The following MLXIP variants were observed in gnomAD, a reference collection of about 807,000 sequenced individuals.
MLXIP encodes MLX-interacting protein.
In MLXIP, 30 loss-of-function variants were observed where a neutral mutation model predicts 87.2. The ratio of observed to expected loss-of-function variants is 0.34; its 90% CI spans 0.26 to 0.47. The LOEUF is 0.47. MLXIP is among the 20% of genes least tolerant of loss of function. MLXIP has a pLI of 1.00. For synonymous variants in MLXIP, 530 were observed against 514.0 expected, an observed-to-expected ratio of 1.03 and a Z score of -0.42; for missense variants, 1,002 against 1,240.1, an observed-to-expected ratio of 0.81 and a Z score of 2.88.
chr12:122,127,809 G>T, intron 2 of MLXIP, 74 bp from the exon 3 acceptor site: 1 of 1,172,116 alleles, frequency 8.5e-7, no homozygotes, highest in South Asian at 1.2e-5. Context: ...CCTAGGGGAG[G>T]GGTGCAGCAG....
Position 122,087,526 on chromosome 12 carries a change from G to A in MLXIP, c.413+8260G>A, listed in dbSNP as rs2135898061. On this transcript the variant is annotated intron_variant, in intron 1 of 16. Coordinates refer to ENST00000319080, the MANE Select transcript of MLXIP (RefSeq NM_014938.6). ...ATGGTCGTTCCAGGTGCGGGAAGAG[G>A]CCCAGGCAGAGGCCTTCGCTGGAGT... 2.0e-5 allele frequency among the ~76,000 whole-genome samples: 3 copies of A among 152,304 alleles called. No homozygotes were observed. In the Middle Eastern group the frequency reaches 0.01, roughly 518 times the overall value.
intron 1 of MLXIP, among the ~76,000 whole-genome samples, chr12:122,091,851 G>C (rs1173545920): frequency 1.3e-5 from 2 of 152,138 alleles, no homozygotes; most frequent in African/African-American, 4.8e-5. Context: ...TTGCCATGTG[G>C]GAATGTGAGC....
chr12:122,134,981 C>CT (rs11287019), intron 9 of MLXIP: 11 of 469,174 alleles, frequency 2.3e-5, no homozygotes, highest in East Asian at 8.8e-5. Flanking sequence ...GCCTCTCTAT[C>CT]TTTTTTTTAA....
At chr12:122,114,724 G>C (rs1300763407) in intron 1 of MLXIP, among the ~76,000 whole-genome samples, 1 of 150,578 alleles carries the variant, frequency 6.6e-6, no homozygotes, top group Admixed American at 6.7e-5. Context: ...ACCTCTCTTT[G>C]GGAAGGTGAC....
chr12:122,130,101 C>A lies in MLXIP; in HGVS notation c.899C>A (p.Pro300His), dbSNP rs1329502724. 2 of 1,613,418 alleles carry A rather than the reference C, an allele frequency of 1.2e-6. No individual in the cohort carries two copies. Among genetic ancestry groups the A allele is most frequent in the African/African-American group, 2.7e-5 (2 of 74,912 alleles). Residue 300 changes from proline (P) to histidine (H), a missense_variant, in exon 6 of 17, where the codon CCC becomes CAC. This residue lies in a region of MLXIP where 746 missense variants were observed against 897.0 expected (regional missense o/e 0.83). Transcript: ENST00000319080. ...SSHQPVAWPNPREIAHLGNAD... is the reference protein window; with the variant it reads ...SSHQPVAWPNHREIAHLGNAD... ...CACCAGCCGGTGGCCTGGCCCAATC[C>A]CCGGGAAATAGGTAACCCAAACCAG...
intron 1 of MLXIP, among the ~76,000 whole-genome samples, chr12:122,116,643 G>A (rs1306000016): frequency 1.3e-5 from 2 of 152,194 alleles, no homozygotes; most frequent in East Asian, 3.9e-4. Flanking sequence ...GCCCCTGCCT[G>A]AAAGTCCACT....
chr12:122,096,455 G>T (rs1226151503), intron 1 of MLXIP, among the ~76,000 whole-genome samples: 2 of 152,054 alleles, frequency 1.3e-5, no homozygotes, highest in African/African-American at 4.8e-5. Context: ...TTCCTGATAG[G>T]AGCCTTTACC....
intron 1 of MLXIP, among the ~76,000 whole-genome samples, chr12:122,099,114 G>A (rs1013554273): frequency 6.6e-6 from 1 of 152,180 alleles, no homozygotes; most frequent in Non-Finnish European, 1.5e-5. Flanking sequence ...GCATGTGCCC[G>A]TGGCCCCAGC....
intron 3 of MLXIP, 181 bp from the exon 4 acceptor site, chr12:122,128,956 A>C: frequency 1.6e-6 from 1 of 607,860 alleles, no homozygotes; most frequent in South Asian, 1.9e-5. Flanking sequence ...ATTGTTAGCT[A>C]GAGGGTCTGC....
intron 1 of MLXIP, among the ~76,000 whole-genome samples, chr12:122,094,509 GT>G: frequency 9.7e-6 from 1 of 102,604 alleles, no homozygotes; most frequent in Non-Finnish European, 2.2e-5. Context: ...TGTGTGTGTG[GT>G]GTGTTGGTGT....
At chr12:122,109,994 C>G (rs1323733094) in intron 1 of MLXIP, among the ~76,000 whole-genome samples, 1 of 152,116 alleles carries the variant, frequency 6.6e-6, no homozygotes, top group Non-Finnish European at 1.5e-5. Flanking sequence ...GGGTGTGACC[C>G]CAACGCATCC....
chr12:122,131,659 C>T (rs1167832468), intron 7 of MLXIP, among the ~76,000 whole-genome samples: 1 of 151,688 alleles, frequency 6.6e-6, no homozygotes, highest in Non-Finnish European at 1.5e-5. Flanking sequence ...CTATGTTGCC[C>T]AGGTGATCCT....
rs892568289 is a variant in MLXIP, at chr12:122,127,957, C to T, written c.595C>T (p.Arg199Cys). The T allele has an allele frequency of 2.5e-6, 4 of 1,613,578 alleles. No homozygotes were observed. Among genetic ancestry groups the T allele is most frequent in the Non-Finnish European group, 3.4e-6 (4 of 1,179,718 alleles). Residue 199 changes from arginine to cysteine, a missense_variant, in exon 3 of 17, where the codon CGC becomes TGC. Physicochemically the swap from Arg to Cys is radical, Grantham distance 180. Around this residue, in one of 3 missense-constraint regions of MLXIP, gnomAD observed 127 missense variants for 239.0 expected, o/e 0.53. Coordinates refer to ENST00000319080, the MANE Select transcript of MLXIP (RefSeq NM_014938.6). ...CGGCTCTGTGGACGTAGACGAGCAC[C>T]GCCGGCCGGAGGTACTTGGCAGTGA... ...LDGSVDVDEH[R>C]RPEAITTEGK... is the part of the protein sequence containing the mutation.
intron 1 of MLXIP, among the ~76,000 whole-genome samples, chr12:122,108,876 C>T (rs942082353): frequency 6.6e-6 from 1 of 152,170 alleles, no homozygotes; most frequent in Non-Finnish European, 1.5e-5. Flanking sequence ...AGGAGGCCTT[C>T]AAGCAGGGGT....
At chr12:122,083,496 C>T (rs1952121885) in intron 1 of MLXIP, among the ~76,000 whole-genome samples, 1 of 151,886 alleles carries the variant, frequency 6.6e-6, no homozygotes, top group Non-Finnish European at 1.5e-5. Flanking sequence ...CTCACTGCAA[C>T]CTCTGCCTCC....
At chr12:122,096,609 G>T (rs900151140) in intron 1 of MLXIP, among the ~76,000 whole-genome samples, 1 of 152,228 alleles carries the variant, frequency 6.6e-6, no homozygotes, top group African/African-American at 2.4e-5. Flanking sequence ...ACGGTGGCCT[G>T]TTTATTCTGA....
At chr12:122,123,283 G>A (rs1369199635) in intron 1 of MLXIP, among the ~76,000 whole-genome samples, 12 of 152,212 alleles carry the variant, frequency 7.9e-5, no homozygotes, top group African/African-American at 2.2e-4. Flanking sequence ...CCTTGGGGGC[G>A]GGCTGGGGGT....
intron 1 of MLXIP, among the ~76,000 whole-genome samples, chr12:122,087,761 T>TGA (rs1952189689): frequency 6.6e-6 from 1 of 151,482 alleles, no homozygotes; most frequent in Non-Finnish European, 1.5e-5. Flanking sequence ...CTAGGGAGGG[T>TGA]GAGAGCAGGA....
intron 1 of MLXIP, among the ~76,000 whole-genome samples, chr12:122,089,053 C>T (rs565349769): frequency 3.2e-4 from 48 of 151,418 alleles, no homozygotes; most frequent in African/African-American, 1.1e-3. Flanking sequence ...GTGGTGGTGC[C>T]TGTCTGTAAT....
Sources: gnomAD v4.1 joint callset for allele counts (sites outside exome capture counted in the v4.1 genomes callset) on GRCh38, gnomAD v4.1.1 for gene constraint, gnomAD v4.1.1 regional missense constraint, MANE v1.5 for transcripts, NCBI Gene and HGNC (gene_info 2026-07-23, HGNC 2026-07-21) for gene names.